The following DDX46 variants were observed in gnomAD, a reference collection of about 807,000 sequenced individuals.
DDX46 encodes the protein probable ATP-dependent RNA helicase DDX46.
In DDX46, 30 loss-of-function variants were observed where a neutral mutation model predicts 134.9. The ratio of observed to expected loss-of-function variants is 0.22; its 90% confidence interval spans 0.17 to 0.30. DDX46 has a LOEUF of 0.30. DDX46 is among the 10% of genes least tolerant of loss of function. The pLI, the probability that DDX46 is intolerant of heterozygous loss-of-function variation, is 1.00. For synonymous variants in DDX46, 415 were observed against 404.1 expected (o/e 1.03, Z -0.32); for missense variants, 622 against 1,248.7 (o/e 0.50, Z 7.56).
At chr5:134,819,151 C>A in intron 21 of DDX46, 147 bp downstream of exon 21, 2 of 814,756 alleles carry the variant, frequency 2.5e-6, no homozygotes, top group Non-Finnish European at 3.5e-6. Context: ...CATTTGAGGT[C>A]TTTATATATA....
At chr5:134,779,671 T>C (rs1175519381) in intron 6 of DDX46, among the ~76,000 whole-genome samples, 1 of 151,424 alleles carries the variant, frequency 6.6e-6, no homozygotes, top group Non-Finnish European at 1.5e-5. Context: ...GCTAATTGTT[T>C]ATAGAGATGG....
intron 11 of DDX46, among the ~76,000 whole-genome samples, chr5:134,786,813 C>G (rs1292646629): frequency 6.6e-6 from 1 of 152,114 alleles, no homozygotes; most frequent in African/African-American, 2.4e-5. Flanking sequence ...CCACTGCACT[C>G]CAGCCTGGGA....
At chr5:134,801,199 T>C (rs1428156305) in intron 15 of DDX46, among the ~76,000 whole-genome samples, 1 of 151,940 alleles carries the variant, frequency 6.6e-6, no homozygotes, top group Non-Finnish European at 1.5e-5. Flanking sequence ...TGTTTAAGCC[T>C]GGGAGGCGGA....
At chr5:134,820,890 A>G (rs867031035) in intron 21 of DDX46, among the ~76,000 whole-genome samples, 279 of 145,200 alleles carry the variant, frequency 1.9e-3, no homozygotes, top group African/African-American at 6.8e-3. Flanking sequence ...TTTTGAGACA[A>G]AGTCCCACTG....
chr5:134,825,666 TCTC>T lies in DDX46; in HGVS notation c.2978-1280_2978-1278del, dbSNP rs1016184520. 4.1e-4 allele frequency: 62 copies of T among 152,342 alleles called. 1 individual carries two copies. Among genetic ancestry groups the T allele is most frequent in the African/African-American group, 1.4e-3 (59 of 41,564 alleles). 9.4% of individuals were successfully genotyped at this position (152,342 alleles called of 1,614,324 possible). Reference sequence around the variant, plus strand: ...TTCTTTGATTCAGCTCTTTTTCTCTTCTCAGTGTGCAATATGGTGTCTATCTGT... The same window carrying T: ...TTCTTTGATTCAGCTCTTTTTCTCTTAGTGTGCAATATGGTGTCTATCTGT... On this transcript the variant is annotated intron_variant, in intron 21 of 22. Transcript: ENST00000452510.
intron 18 of DDX46, among the ~76,000 whole-genome samples, chr5:134,813,050 T>G (rs1755191689): frequency 1.3e-5 from 2 of 152,162 alleles, no homozygotes; most frequent in South Asian, 4.1e-4. Context: ...CAAGTGGTTC[T>G]CCTGCCTCAG....
At chr5:134,823,478 C>A (rs1561876337) in intron 21 of DDX46, among the ~76,000 whole-genome samples, 1 of 152,140 alleles carries the variant, frequency 6.6e-6, no homozygotes, top group Non-Finnish European at 1.5e-5. Context: ...CCCACTCTAC[C>A]ATTGAGTCAT....
intron 18 of DDX46, among the ~76,000 whole-genome samples, chr5:134,814,724 C>T (rs1755239349): frequency 6.6e-6 from 1 of 152,082 alleles, no homozygotes; most frequent in African/African-American, 2.4e-5. Flanking sequence ...TCAGGTGATT[C>T]CCCACCTCAG....
intron 15 of DDX46, among the ~76,000 whole-genome samples, chr5:134,805,908 T>C (rs1580809350): frequency 6.6e-6 from 1 of 152,162 alleles, no homozygotes; most frequent in Non-Finnish European, 1.5e-5. Context: ...CGGGTTCTTA[T>C]TGATTTTAAG....
rs948619995 is a variant in DDX46, at chr5:134,764,879, C to G, written c.206+787C>G. ...CCTCCCTATCTCCTTCCCTTCCACTCTCTCTCCCTTCCTCCCTCACTCTTT... is the reference window on the plus strand; with the variant it reads ...CCTCCCTATCTCCTTCCCTTCCACTGTCTCTCCCTTCCTCCCTCACTCTTT... On this transcript the variant is annotated intron_variant, in intron 2 of 22. Transcript: ENST00000452510. 6.0e-5 allele frequency among the ~76,000 whole-genome samples: 9 copies of G among 150,884 alleles called. No individual in the cohort carries two copies. In the East Asian group the frequency reaches 1.6e-3, roughly 26 times the overall value.
At chr5:134,773,030 C>G (rs1461117274) in intron 4 of DDX46, among the ~76,000 whole-genome samples, 1 of 152,098 alleles carries the variant, frequency 6.6e-6, no homozygotes, top group African/African-American at 2.4e-5. Context: ...CAACTCCTGA[C>G]CTCAAGGGAT....
At chr5:134,791,784 T>TA (rs772170857) in intron 13 of DDX46, among the ~76,000 whole-genome samples, 1 of 152,228 alleles carries the variant, frequency 6.6e-6, no homozygotes, top group Non-Finnish European at 1.5e-5. Context: ...GTATTGTATT[T>TA]AGATTTAGGG....
chr5:134,781,061 CTG>C, intron 6 of DDX46, 70 bp from the exon 7 acceptor site: 1 of 1,037,220 alleles, frequency 9.6e-7, no homozygotes. Flanking sequence ...GTGTCAGTTA[CTG>C]TGTGCTTCAG....
intron 15 of DDX46, among the ~76,000 whole-genome samples, chr5:134,805,725 GT>G (rs1290101833): frequency 6.6e-6 from 1 of 151,266 alleles, no homozygotes; most frequent in African/African-American, 2.4e-5. Flanking sequence ...AAGAGACAGG[GT>G]TTCACCATGT....
chr5:134,765,816 A>T (rs890181318), intron 2 of DDX46, among the ~76,000 whole-genome samples: 11 of 152,158 alleles, frequency 7.2e-5, no homozygotes, highest in African/African-American at 2.4e-4. Context: ...GGATTCAGGG[A>T]AAATATTCAC....
intron 21 of DDX46, among the ~76,000 whole-genome samples, chr5:134,822,509 T>C (rs1046569451): frequency 6.6e-6 from 1 of 151,458 alleles, no homozygotes; most frequent in Non-Finnish European, 1.5e-5. Flanking sequence ...ATGAAAAAAA[T>C]TTTTTTTTCT....
Position 134,808,929 on chromosome 5 carries a change from A to G in DDX46, c.2148+988A>G, listed in dbSNP as rs180961647. 7.5e-3 allele frequency among the ~76,000 whole-genome samples: 1,147 copies of G among 152,140 alleles called. 9 individuals are homozygous for G. Among genetic ancestry groups the G allele is most frequent in the Non-Finnish European group, 0.013 (856 of 68,040 alleles). On this transcript the variant is annotated intron_variant, in intron 16 of 22. Coordinates refer to ENST00000452510, the MANE Select transcript of DDX46 (RefSeq NM_001300860.2). ...TAATGTCATTTTAACTGTTTTACAT[A>G]TATAATGTTATTTTATCCTTACATA... is the stretch of plus-strand genomic sequence containing the variant.
At position 134,773,706 on chromosome 5, in the gene DDX46, A is replaced by G; in HGVS notation, c.458A>G (p.Gln153Arg). The change falls in exon 5 of 23, where the codon CAG (glutamine) becomes CGG (arginine). Residue 153 changes from glutamine (Q) to arginine (R), a missense_variant. Coordinates refer to ENST00000452510, the MANE Select transcript of DDX46 (RefSeq NM_001300860.2). The stretch of plus-strand genomic sequence containing the variant: ...TTTTATTCCCCCAAGAACTTTGACC[A>G]GAATAAGCTGGAAGAAGAAATGAGA... ...EKEKDAGNFDQNKLEEEMRKR... is the reference protein window; with the variant it reads ...EKEKDAGNFDRNKLEEEMRKR... 1.3e-6 allele frequency: 2 copies of G among 1,594,430 alleles called. No homozygotes were observed. Among genetic ancestry groups the G allele is most frequent in the Non-Finnish European group, 1.7e-6 (2 of 1,172,468 alleles).
At chr5:134,819,923 T>C (rs983765679) in intron 21 of DDX46, among the ~76,000 whole-genome samples, 1 of 152,090 alleles carries the variant, frequency 6.6e-6, no homozygotes, top group African/African-American at 2.4e-5. Context: ...TTTTGTTTTG[T>C]TTTGCTTTTT....
Sources: allele counts gnomAD v4.1 joint callset (sites outside exome capture counted in the v4.1 genomes callset), GRCh38; gene constraint gnomAD v4.1.1; transcripts MANE v1.5; gene names NCBI Gene and HGNC (gene_info 2026-07-23, HGNC 2026-07-21).